PLPPR5: variants seen among roughly 807,000 people sequenced by gnomAD.
PLPPR5 encodes phospholipid phosphatase-related protein type 5.
PLPPR5 carries 16 observed loss-of-function variants against 33.9 expected under a neutral mutation model. The ratio of observed to expected loss-of-function variants is 0.47; its 90% CI spans 0.32 to 0.72. The LOEUF (loss-of-function observed/expected upper bound fraction) is 0.72. Ranked by LOEUF, PLPPR5 falls within the 30% of genes least tolerant of loss-of-function variation. The pLI is 0.03. For synonymous variants in PLPPR5, 163 were observed against 150.3 expected (o/e 1.08, Z -0.62); for missense variants, 301 against 406.7 (o/e 0.74, Z 2.23).
At chr1:99,001,693 T>TATATATATATATATATATATATATATAG (rs1557699537) in intron 1 of PLPPR5, among the ~76,000 whole-genome samples, 1 of 144,590 alleles carries the variant, frequency 6.9e-6, no homozygotes, top group Non-Finnish European at 1.5e-5. Context: ...TATATATATA[T>TATATATATATATATATATATATATATAG]ATATATATAT....
At chr1:98,985,185 T>G (rs1449661925) in intron 1 of PLPPR5, among the ~76,000 whole-genome samples, 1 of 152,008 alleles carries the variant, frequency 6.6e-6, no homozygotes, top group Non-Finnish European at 1.5e-5. Context: ...TAATAAAAGT[T>G]AATTGTCCCT....
In PLPPR5 at chr1:98,931,572, C is replaced by T. The variant is rs1649967038; in HGVS notation, c.622-9514G>A. ...AGTCAAGGATCCTTTCTCCCTCAGC[C>T]TTGGGGAGGAAGGCGGGGCTGGAGT... On this transcript the variant is annotated intron_variant, in intron 3 of 5. Coordinates refer to ENST00000263177, the MANE Select transcript of PLPPR5 (RefSeq NM_001037317.2). Among the ~76,000 whole-genome samples the T allele has an allele frequency of 2.6e-5, 4 of 152,196 alleles. No individual in the cohort carries two copies. The South Asian group carries it at 6.2e-4, about 24-fold the overall frequency.
chr1:98,962,828 T>C (rs935474797), intron 1 of PLPPR5, among the ~76,000 whole-genome samples: 3 of 151,976 alleles, frequency 2.0e-5, no homozygotes, highest in African/African-American at 7.3e-5. Context: ...ATTTCTTTTA[T>C]TTTTTATTTT....
At chr1:98,961,490 A>T (rs549718887) in intron 1 of PLPPR5, among the ~76,000 whole-genome samples, 2 of 152,226 alleles carry the variant, frequency 1.3e-5, no homozygotes, top group Non-Finnish European at 2.9e-5. Flanking sequence ...CTGTTGAAAA[A>T]ATTATTGGCA....
At chr1:98,959,439 T>A (rs1651146045) in intron 1 of PLPPR5, among the ~76,000 whole-genome samples, 1 of 152,224 alleles carries the variant, frequency 6.6e-6, no homozygotes, top group African/African-American at 2.4e-5. Context: ...CTATGTTAAC[T>A]AAAATAGTAA....
intron 5 of PLPPR5, among the ~76,000 whole-genome samples, chr1:98,902,733 A>G (rs1648743447): frequency 6.6e-6 from 1 of 152,116 alleles, no homozygotes; most frequent in African/African-American, 2.4e-5. Flanking sequence ...GTAACTAATT[A>G]TGTGTGCACT....
chr1:99,002,371 C>T (rs1652880632), intron 1 of PLPPR5, among the ~76,000 whole-genome samples: 1 of 152,202 alleles, frequency 6.6e-6, no homozygotes, highest in Admixed American at 6.5e-5. Flanking sequence ...AGCCAGCTTC[C>T]ACCTTCTTTC....
chr1:98,983,838 C>T (rs1482621773), intron 1 of PLPPR5, among the ~76,000 whole-genome samples: 4 of 152,048 alleles, frequency 2.6e-5, no homozygotes, highest in African/African-American at 9.7e-5. Flanking sequence ...TCCCTGATGG[C>T]CAGTGATGAT....
At chr1:98,989,996 T>C (rs1652394611) in intron 1 of PLPPR5, among the ~76,000 whole-genome samples, 1 of 152,112 alleles carries the variant, frequency 6.6e-6, no homozygotes, top group Admixed American at 6.6e-5. Flanking sequence ...TTTATAAAAG[T>C]GAAAGAAAGA....
chr1:98,928,458 G>A (rs918123323), intron 3 of PLPPR5, among the ~76,000 whole-genome samples: 3 of 149,100 alleles, frequency 2.0e-5, no homozygotes, highest in Non-Finnish European at 4.5e-5. Flanking sequence ...ACGTTGAAAT[G>A]GTAATAGTTT....
rs1367230366 is a variant in PLPPR5 at position 98,891,126 on chromosome 1, CT to C, written c.*1945del. On this transcript the variant is annotated 3_prime_UTR_variant, in exon 6 of 6. Coordinates refer to ENST00000263177, the MANE Select transcript of PLPPR5 (RefSeq NM_001037317.2). ...CTATTACTGTTATTGCCTAAAAAAT[CT>C]TTAAAAAGGGTCAAGACATTCAAAG... is the stretch of plus-strand genomic sequence containing the variant. 6.6e-6 allele frequency: 1 copy of C among 152,064 alleles called. No individual in the cohort carries two copies. Among genetic ancestry groups the C allele is most frequent in the Non-Finnish European group, 1.5e-5 (1 of 67,988 alleles). The allele number at this position is 152,064 out of a possible 1,614,324, so 9.4% of individuals were successfully genotyped here.
At chr1:98,978,266 T>C (rs1445629314) in intron 1 of PLPPR5, among the ~76,000 whole-genome samples, 1 of 151,998 alleles carries the variant, frequency 6.6e-6, no homozygotes, top group African/African-American at 2.4e-5. Flanking sequence ...TGCTACATTT[T>C]CAATTGTATA....
At chr1:98,995,357 G>C (rs968701779) in intron 1 of PLPPR5, among the ~76,000 whole-genome samples, 1 of 152,002 alleles carries the variant, frequency 6.6e-6, no homozygotes, top group African/African-American at 2.4e-5. Flanking sequence ...CTACCTATGG[G>C]ATATTATTCT....
chr1:98,994,937 T>C (rs1043443826), intron 1 of PLPPR5, among the ~76,000 whole-genome samples: 2 of 151,972 alleles, frequency 1.3e-5, no homozygotes, highest in African/African-American at 4.8e-5. Flanking sequence ...GAAATCCAAA[T>C]GAAAACCACA....
At chr1:98,925,690 T>A (rs1368458882) in intron 3 of PLPPR5, among the ~76,000 whole-genome samples, 1 of 74,254 alleles carries the variant, frequency 1.3e-5, no homozygotes, top group Non-Finnish European at 3.5e-5. Context: ...CAAAAATAAA[T>A]GGAAATAAAA....
chr1:98,911,434 C>G (rs1420313321), intron 5 of PLPPR5, among the ~76,000 whole-genome samples: 4 of 152,120 alleles, frequency 2.6e-5, no homozygotes, highest in Admixed American at 2.6e-4. Context: ...TCATCTGTAA[C>G]AATTTATAGA....
chr1:98,958,852 G>A (rs182589547), intron 1 of PLPPR5, among the ~76,000 whole-genome samples: 1 of 152,142 alleles, frequency 6.6e-6, no homozygotes, highest in Admixed American at 6.5e-5. Flanking sequence ...TCCACTTCAT[G>A]AGCTGACCGG....
chr1:98,967,350 A>G (rs1651487134), intron 1 of PLPPR5, among the ~76,000 whole-genome samples: 1 of 152,138 alleles, frequency 6.6e-6, no homozygotes, highest in Non-Finnish European at 1.5e-5. Context: ...ATGGCTCACT[A>G]TGTTTAAAAT....
Position 99,004,657 on chromosome 1 carries a change from G to A in PLPPR5, c.15C>T (p.Pro5=), listed in dbSNP as rs762078695. 3 of 1,610,632 alleles carry A rather than the reference G, an allele frequency of 1.9e-6. No homozygotes were observed. Among genetic ancestry groups the A allele is most frequent in the Non-Finnish European group, 2.5e-6 (3 of 1,178,864 alleles). MPLL[P]AALTSSMLYF... is the part of the protein sequence containing the mutation. ...AGAGCATGCTGCTGGTGAGCGCCGC[G>A]GGCAGCAGGGGCATGCACGCCTCCC... The change falls in exon 1 of 6, where the codon CCC becomes CCT. Residue 5 remains proline (P), a synonymous_variant. Coordinates refer to ENST00000263177, the MANE Select transcript of PLPPR5 (RefSeq NM_001037317.2).
Sources: gnomAD v4.1 joint callset for allele counts (sites outside exome capture counted in the v4.1 genomes callset) on GRCh38, gnomAD v4.1.1 for gene constraint, MANE v1.5 for transcripts, NCBI Gene and HGNC (gene_info 2026-07-23, HGNC 2026-07-21) for gene names.